DRC11: variants seen among roughly 807,000 people sequenced by gnomAD.
The protein encoded by DRC11 is IQ and AAA domain-containing protein 1.
the DRC11 span, among the ~76,000 whole-genome samples, chr2:236,350,649 G>A: frequency 1.3e-5 from 2 of 152,196 alleles, no homozygotes; most frequent in African/African-American, 4.8e-5. The surrounding 1 kb of genome is among the most constrained non-coding windows in gnomAD (Gnocchi z 5.2). Flanking sequence ...GCGGGACCTG[G>A]GTCTGCCCAG....
At chr2:236,505,681 C>A in the DRC11 span, among the ~76,000 whole-genome samples, 2 of 152,130 alleles carry the variant, frequency 1.3e-5, no homozygotes, top group African/African-American at 2.4e-5. Context: ...GAGCACCCAC[C>A]CACTGAATAG....
At chr2:236,336,731 C>T in the DRC11 span, among the ~76,000 whole-genome samples, 2 of 152,182 alleles carry the variant, frequency 1.3e-5, no homozygotes, top group African/African-American at 4.8e-5. This position sits in a 1 kb window ranked among gnomAD's most constrained non-coding sequence, Gnocchi z 7.3. Flanking sequence ...CCATCTGTAA[C>T]ACCAACAGCA....
the DRC11 span, among the ~76,000 whole-genome samples, chr2:236,421,358 TA>T: frequency 2.6e-5 from 4 of 151,852 alleles, no homozygotes; most frequent in East Asian, 7.7e-4. Context: ...ATAGATGCAA[TA>T]AAAAATGTTA....
the DRC11 span, among the ~76,000 whole-genome samples, chr2:236,426,730 T>C: frequency 6.6e-6 from 1 of 152,132 alleles, no homozygotes; most frequent in East Asian, 1.9e-4. The surrounding 1 kb of genome is among the most constrained non-coding windows in gnomAD (Gnocchi z 4.1). Context: ...ATATGCAAGA[T>C]CAAAGACAGG....
At chr2:236,358,372 GATAT>G in the DRC11 span, among the ~76,000 whole-genome samples, 22,627 of 130,150 alleles carry the variant, frequency 0.17, 2,379 homozygotes, top group Non-Finnish European at 0.23. Context: ...ATAATATATA[GATAT>G]ATATTTATGA....
At chr2:236,347,508 C>CTCTATA in the DRC11 span, among the ~76,000 whole-genome samples, 112 of 107,542 alleles carry the variant, frequency 1.0e-3, 8 homozygotes, top group African/African-American at 2.7e-3. Context: ...AAAAACTGTG[C>CTCTATA]TATATATATA....
the DRC11 span, among the ~76,000 whole-genome samples, chr2:236,490,330 A>G: frequency 2.0e-5 from 3 of 152,198 alleles, no homozygotes; most frequent in Admixed American, 1.3e-4. This position sits in a 1 kb window ranked among gnomAD's most constrained non-coding sequence, Gnocchi z 5.5. Flanking sequence ...GAAGGAGCCA[A>G]TTTGAACAGA....
the DRC11 span, among the ~76,000 whole-genome samples, chr2:236,436,430 C>T: frequency 6.6e-6 from 1 of 151,974 alleles, no homozygotes; most frequent in African/African-American, 2.4e-5. Context: ...AAATTTTTCT[C>T]CAATTCAAAC....
At chr2:236,356,200 A>G in the DRC11 span, among the ~76,000 whole-genome samples, 2 of 152,132 alleles carry the variant, frequency 1.3e-5, no homozygotes, top group Non-Finnish European at 2.9e-5. Context: ...AGGGCCCTCG[A>G]CCCAGATCCA....
At chr2:236,449,153 C>T in the DRC11 span, among the ~76,000 whole-genome samples, 2 of 152,206 alleles carry the variant, frequency 1.3e-5, no homozygotes, top group Non-Finnish European at 2.9e-5. This position sits in a 1 kb window ranked among gnomAD's most constrained non-coding sequence, Gnocchi z 5.1. Flanking sequence ...AGCCACTACA[C>T]CCACTGGGTG....
chr2:236,407,710 C>T, the DRC11 span: 10 of 268,194 alleles, frequency 3.7e-5, no homozygotes, highest in East Asian at 2.9e-4. Context: ...TCATTTCCCC[C>T]CTGTGATCCT....
At chr2:236,487,448 C>T in the DRC11 span, among the ~76,000 whole-genome samples, 1 of 152,066 alleles carries the variant, frequency 6.6e-6, no homozygotes, top group Non-Finnish European at 1.5e-5. Context: ...AAACCTAATG[C>T]TAGTTTATAT....
the DRC11 span, among the ~76,000 whole-genome samples, chr2:236,377,857 G>A: frequency 2.6e-5 from 4 of 152,240 alleles, no homozygotes; most frequent in Admixed American, 1.3e-4. The surrounding 1 kb of genome is among the most constrained non-coding windows in gnomAD (Gnocchi z 4.9). Context: ...CCCACATAAC[G>A]GATGAAACTC....
At chr2:236,336,091 TGAA>T in the DRC11 span, among the ~76,000 whole-genome samples, 2 of 152,122 alleles carry the variant, frequency 1.3e-5, no homozygotes, top group Non-Finnish European at 1.5e-5. The surrounding 1 kb of genome is among the most constrained non-coding windows in gnomAD (Gnocchi z 7.3). Context: ...CCCTAAAAGA[TGAA>T]GAAGGCACTA....
the DRC11 span, among the ~76,000 whole-genome samples, chr2:236,459,679 A>ACG: frequency 8.3e-5 from 12 of 143,980 alleles, no homozygotes; most frequent in African/African-American, 2.8e-4. Flanking sequence ...ATACGTATAT[A>ACG]TGTATATACA....
the DRC11 span, among the ~76,000 whole-genome samples, chr2:236,498,466 A>C: frequency 7.2e-6 from 1 of 139,592 alleles, no homozygotes; most frequent in East Asian, 2.1e-4. Context: ...TGTCTTAAAA[A>C]AAAAAAAAAA....
the DRC11 span, among the ~76,000 whole-genome samples, chr2:236,491,657 G>C: frequency 1.3e-5 from 2 of 152,154 alleles, no homozygotes. Context: ...AGGGAATGAA[G>C]TGTGAGTGCT....
the DRC11 span, among the ~76,000 whole-genome samples, chr2:236,481,348 A>T: frequency 2.0e-5 from 3 of 152,192 alleles, no homozygotes; most frequent in African/African-American, 7.2e-5. Flanking sequence ...GGTAGAAACC[A>T]TGAGTCTGGG....
At chr2:236,328,272 G>T in the DRC11 span, among the ~76,000 whole-genome samples, 1 of 151,308 alleles carries the variant, frequency 6.6e-6, no homozygotes, top group African/African-American at 2.4e-5. This position sits in a 1 kb window ranked among gnomAD's most constrained non-coding sequence, Gnocchi z 6.7. Context: ...TTTTAATTTT[G>T]CTTTTGATGT....
Sources: allele counts gnomAD v4.1 joint callset (sites outside exome capture counted in the v4.1 genomes callset), GRCh38; gene constraint gnomAD v4.1.1; non-coding constraint Gnocchi (gnomAD v3.1); transcripts MANE v1.5; gene names NCBI Gene and HGNC (gene_info 2026-07-23, HGNC 2026-07-21).